The following ARHGAP27 variants were observed in gnomAD, a reference collection of about 807,000 sequenced individuals.
ARHGAP27 encodes Rho GTPase activating protein 27.
ARHGAP27 carries 53 observed loss-of-function variants against 102.0 expected under a neutral mutation model. The ratio of observed to expected loss-of-function variants is 0.52; its 90% CI spans 0.42 to 0.65. ARHGAP27 has a LOEUF of 0.65. Among genes scored for constraint, ARHGAP27 ranks in the 30% least tolerant of loss-of-function variants. The probability of loss-of-function intolerance (pLI) is 0.00; values close to 1 mark genes in which losing one functional copy is unlikely to be tolerated. For synonymous variants in ARHGAP27, 525 were observed against 542.8 expected (o/e 0.97, Z 0.46); for missense variants, 1,117 against 1,256.2 (o/e 0.89, Z 1.68).
Position 45,396,510 on chromosome 17 carries a change from C to T in ARHGAP27, c.2150G>A (p.Cys717Tyr), listed in dbSNP as rs1465445263. Residue 717 changes from cysteine (C) to tyrosine (Y), a missense_variant, in exon 16 of 20, where the codon TGC becomes TAC. Cys to Tyr is a radical substitution (Grantham distance 194, BLOSUM62 -2). Around this residue, in one of 3 missense-constraint regions of ARHGAP27, gnomAD observed 493 missense variants for 505.5 expected, o/e 0.98. Transcript: ENST00000685559. ...RSRVPRFVQQCIRAVEARGLD... is the reference protein window; with the variant it reads ...RSRVPRFVQQYIRAVEARGLD... ...ACCGCGGGCCTCGACGGCGCGGATG[C>T]ACTGCTGCACGAAGCGTGGCACCCG... 1 of 1,566,220 alleles carries T rather than the reference C, an allele frequency of 6.4e-7. No individual in the cohort carries two copies. Among genetic ancestry groups the T allele is most frequent in the East Asian group, 2.3e-5 (1 of 42,684 alleles).
intron 4 of ARHGAP27, among the ~76,000 whole-genome samples, chr17:45,426,427 C>T (rs928286715): frequency 9.2e-5 from 14 of 152,076 alleles, no homozygotes; most frequent in Non-Finnish European, 1.3e-4. Context: ...TCAATATGCG[C>T]GATTAGAGTG....
intron 4 of ARHGAP27, chr17:45,410,095 T>C: frequency 1.7e-6 from 2 of 1,147,720 alleles, no homozygotes; most frequent in Non-Finnish European, 2.4e-6. Flanking sequence ...GGGCAGGGCC[T>C]CCGAGAAGGA....
rs1051728535 is a variant in ARHGAP27, at chr17:45,429,916, C to A, written c.364G>T (p.Gly122Cys). 6 of 1,143,324 alleles carry A rather than the reference C, an allele frequency of 5.2e-6. No homozygotes were observed. In the African/African-American group the frequency reaches 6.7e-5, roughly 13 times the overall value. 70.8% of individuals were successfully genotyped at this position (1,143,324 alleles called of 1,614,324 possible). ...ESGGRASSLC[G>C]PAQRGAATQR... The stretch of plus-strand genomic sequence containing the variant: ...GTCGCGGCGCCGCGTTGCGCAGGGC[C>A]GCACAGGGAGCTGGCTCGGCCTCCG... The change falls in exon 4 of 20, where the codon GGC becomes TGC. Residue 122 changes from glycine to cysteine, a missense_variant. Transcript: ENST00000685559.
At chr17:45,423,365 G>A (rs2049232879) in intron 4 of ARHGAP27, among the ~76,000 whole-genome samples, 1 of 151,746 alleles carries the variant, frequency 6.6e-6, no homozygotes, top group Admixed American at 6.6e-5. Flanking sequence ...TAGAAGGTGA[G>A]TAGAAACTTA....
rs1041021294 is a variant in ARHGAP27 at position 45,432,758 on chromosome 17, G to A, written c.-291C>T. The A allele has an allele frequency of 4.0e-5, 6 of 151,308 alleles. No individual in the cohort carries two copies. The highest frequency in any genetic ancestry group is 1.5e-4 in the African/African-American group (6 of 41,122). The allele number at this position is 151,308 out of a possible 1,614,324, so 9.4% of individuals were successfully genotyped here. ...ACCCTGCCTGCCCGGGCACCTCGGG[G>A]CGTCCGCTCGCCGGCTTCGCCTCCA... On this transcript the variant is annotated 5_prime_UTR_variant, in exon 1 of 20. Coordinates refer to ENST00000685559, the MANE Select transcript of ARHGAP27 (RefSeq NM_001282290.2).
At chr17:45,426,428 G>C (rs1182586473) in intron 4 of ARHGAP27, among the ~76,000 whole-genome samples, 1 of 152,070 alleles carries the variant, frequency 6.6e-6, no homozygotes, top group East Asian at 1.9e-4. Flanking sequence ...CAATATGCGC[G>C]ATTAGAGTGC....
chr17:45,410,359 C>T, intron 4 of ARHGAP27: 2 of 1,403,638 alleles, frequency 1.4e-6, no homozygotes, highest in Middle Eastern at 3.7e-4. Flanking sequence ...GGCACTACCC[C>T]AGTGCTGGCA....
rs549506562 is a variant in ARHGAP27 at position 45,404,581 on chromosome 17, C to G, written c.1329+20G>C. On this transcript the variant is annotated intron_variant, in intron 7 of 19. Coordinates refer to ENST00000685559, the MANE Select transcript of ARHGAP27 (RefSeq NM_001282290.2). ...ATCTCTTCCTCTCTCCCCAACACCCCCCTTTCCCCAGGTTGTTACCTGGGG... is the reference window on the plus strand; with the variant it reads ...ATCTCTTCCTCTCTCCCCAACACCCGCCTTTCCCCAGGTTGTTACCTGGGG... The G allele has an allele frequency of 2.5e-6, 4 of 1,613,958 alleles. No homozygotes were observed. The highest frequency in any genetic ancestry group is 2.2e-5 in the South Asian group (2 of 91,084).
chr17:45,429,540 C>A (rs565985835), intron 4 of ARHGAP27, 83 bp downstream of exon 4: 3 of 1,556,782 alleles, frequency 1.9e-6, no homozygotes, highest in East Asian at 4.6e-5. Flanking sequence ...CTGAGCGGAG[C>A]GGGTCTCCTT....
chr17:45,428,516 G>C (rs1379150580), intron 4 of ARHGAP27, among the ~76,000 whole-genome samples: 1 of 152,234 alleles, frequency 6.6e-6, no homozygotes, highest in South Asian at 2.1e-4. Context: ...CAAAACCTGA[G>C]CTCTGCATTG....
At chr17:45,409,161 C>T (rs542271742) in intron 4 of ARHGAP27, 179 of 152,466 alleles carry the variant, frequency 1.2e-3, no homozygotes, top group Admixed American at 3.5e-3. Context: ...GGCAGAGGAA[C>T]CAGACACACC....
intron 11 of ARHGAP27, 53 bp downstream of exon 11, chr17:45,403,565 TA>T: frequency 2.1e-6 from 3 of 1,423,694 alleles, no homozygotes; most frequent in Non-Finnish European, 2.9e-6. Flanking sequence ...AAAATAAAAA[TA>T]AAAATAAAAA....
rs185955792 is a variant in ARHGAP27, at chr17:45,395,206, C to A, written c.*250G>T. The A allele has an allele frequency of 3.7e-5, 21 of 566,030 alleles. No homozygotes were observed. Among genetic ancestry groups the A allele is most frequent in the Non-Finnish European group, 5.6e-5 (18 of 321,988 alleles). The allele number at this position is 566,030 out of a possible 1,614,324, so 35.1% of individuals were successfully genotyped here. A position where few individuals can be genotyped will look rare whatever the true frequency, so the allele number is the denominator to read the frequency against. ...TAGGCGCGATGCAACAGAGAAAAAA[C>A]CGAATTAACCCCCAAACAGGACGTG... On this transcript the variant is annotated 3_prime_UTR_variant, in exon 20 of 20. Transcript: ENST00000685559.
At chr17:45,429,076 C>T (rs2049848824) in intron 4 of ARHGAP27, among the ~76,000 whole-genome samples, 1 of 152,240 alleles carries the variant, frequency 6.6e-6, no homozygotes, top group South Asian at 2.1e-4. Context: ...CTGACTTTCA[C>T]ATCCACCCTC....
At chr17:45,395,951 C>A (rs1462796938) in intron 18 of ARHGAP27, 32 bp downstream of exon 18, 2 of 1,592,612 alleles carry the variant, frequency 1.3e-6, no homozygotes, top group South Asian at 1.1e-5. Flanking sequence ...CACGCCCCTA[C>A]CCCATCCGCC....
intron 4 of ARHGAP27, among the ~76,000 whole-genome samples, chr17:45,424,423 A>G (rs2049343662): frequency 6.6e-6 from 1 of 152,200 alleles, no homozygotes; most frequent in Non-Finnish European, 1.5e-5. Flanking sequence ...ACATTCAGGC[A>G]TGGAGACTCG....
chr17:45,396,723 C>A lies in ARHGAP27; in HGVS notation c.2019G>T (p.Lys673Asn). ...DLSKVRHKLRKFLQRRPTLQS... is the reference protein window; with the variant it reads ...DLSKVRHKLRNFLQRRPTLQS... ...GCAGTGTGGGCCGCCTCTGGAGGAA[C>A]TTGCGGAGCTTGTGCCGGACCTTGC... Residue 673 changes from lysine (K) to asparagine (N), a missense_variant, in exon 15 of 20, where the codon AAG (lysine) becomes AAT (asparagine). Transcript: ENST00000685559. 1 of 1,613,866 alleles carries A rather than the reference C, an allele frequency of 6.2e-7. No homozygotes were observed. The highest frequency in any genetic ancestry group is 8.5e-7 in the Non-Finnish European group (1 of 1,179,792).
chr17:45,431,221 C>T lies in ARHGAP27; in HGVS notation c.-19+400G>A, dbSNP rs548639329. Among the ~76,000 whole-genome samples, 297 of 152,190 alleles carry T rather than the reference C, an allele frequency of 2.0e-3. 1 individual carries two copies. Among genetic ancestry groups the T allele is most frequent in the Admixed American group, 4.4e-3 (67 of 15,300 alleles). On this transcript the variant is annotated intron_variant, in intron 3 of 19. Transcript: ENST00000685559. ...TCTCCGGAGTGGTGGTCATAAGCCC[C>T]GCTCCCGCCCGGGCTTCGGGGTGTC...
Position 45,396,975 on chromosome 17 carries a change from CCGA to C in ARHGAP27, c.1889_1891del (p.Phe630_Gly631delinsTrp). On this transcript the variant is annotated inframe_deletion, in exon 14 of 20. Coordinates refer to ENST00000685559, the MANE Select transcript of ARHGAP27 (RefSeq NM_001282290.2). ...CCAGCTTCCCAAGCGCTCGCTCGAC[CCGA>C]AGTCCACTCTGCTGCTCTCGCTCTC... 1 of 1,605,412 alleles carries C rather than the reference CCGA, an allele frequency of 6.2e-7. No individual in the cohort carries two copies. Among genetic ancestry groups the C allele is most frequent in the Non-Finnish European group, 8.5e-7 (1 of 1,179,972 alleles).
Sources: allele counts gnomAD v4.1 joint callset (sites outside exome capture counted in the v4.1 genomes callset), GRCh38; gene constraint gnomAD v4.1.1; regional missense constraint gnomAD v4.1.1; transcripts MANE v1.5; gene names NCBI Gene and HGNC (gene_info 2026-07-23, HGNC 2026-07-21).